DOCK9: variants seen among roughly 807,000 people sequenced by gnomAD.
DOCK9 encodes dedicator of cytokinesis protein 9.
In DOCK9, 89 loss-of-function variants were observed where a neutral mutation model predicts 263.3. The ratio of observed to expected loss-of-function variants is 0.34; its 90% confidence interval spans 0.28 to 0.40. DOCK9 has a LOEUF of 0.40. Ranked by LOEUF, DOCK9 falls within the 10% of genes least tolerant of loss-of-function variation. The pLI is 1.00. For missense variants in DOCK9, 2,140 were observed against 2,603.4 expected (o/e 0.82, Z 3.87); for synonymous variants, 976 against 973.1 (o/e 1.00, Z -0.06).
In DOCK9 at chr13:98,819,901, G is replaced by A. The variant is rs555034838; in HGVS notation, c.5130+4497C>T. On this transcript the variant is annotated intron_variant, in intron 45 of 52. Coordinates refer to ENST00000682017, the MANE Select transcript of DOCK9 (RefSeq NM_001366683.2). ...TGAATAGAAACAATTTTGACGAATAGAAGCCAGAGACTGGCCTAGTTAAGT... is the reference window on the plus strand; with the variant it reads ...TGAATAGAAACAATTTTGACGAATAAAAGCCAGAGACTGGCCTAGTTAAGT... 3.9e-5 allele frequency among the ~76,000 whole-genome samples: 6 copies of A among 152,336 alleles called. No individual in the cohort carries two copies. The South Asian group carries it at 1.2e-3, about 32-fold the overall frequency.
At chr13:98,833,111 C>G (rs1017132449) in intron 39 of DOCK9, 1 of 147,168 alleles carries the variant, frequency 6.8e-6, no homozygotes, top group Non-Finnish European at 1.5e-5. Context: ...GAAAGGGGAG[C>G]AATTTAATGA....
intron 44 of DOCK9, chr13:98,826,071 C>T: frequency 1.6e-6 from 1 of 626,992 alleles, no homozygotes; most frequent in Non-Finnish European, 2.5e-6. Flanking sequence ...TAGCCAGCTG[C>T]ACCAGAAATA....
At chr13:98,985,065 T>G (rs1567171985) in intron 1 of DOCK9, among the ~76,000 whole-genome samples, 1 of 11,254 alleles carries the variant, frequency 8.9e-5, no homozygotes, top group African/African-American at 4.4e-4. Context: ...AAGAAGACTA[T>G]GGGGGCAGGG....
At chr13:98,801,233 T>C (rs1460618623) in intron 49 of DOCK9, among the ~76,000 whole-genome samples, 1 of 152,198 alleles carries the variant, frequency 6.6e-6, no homozygotes, top group Non-Finnish European at 1.5e-5. Flanking sequence ...TGCAGTGAGC[T>C]GTGATTGTGC....
At chr13:98,820,478 A>G (rs147339823) in intron 45 of DOCK9, among the ~76,000 whole-genome samples, 240 of 152,336 alleles carry the variant, frequency 1.6e-3, no homozygotes, top group African/African-American at 5.5e-3. Context: ...ATTCAGGGCA[A>G]GTCCACAGTG....
chr13:99,054,958 A>G (rs140988749), intron 1 of DOCK9, among the ~76,000 whole-genome samples: 45 of 152,344 alleles, frequency 3.0e-4, no homozygotes, highest in African/African-American at 1.0e-3. Context: ...TCAGTCATCC[A>G]TTTCACAAAC....
At chr13:98,957,398 T>A (rs551471281) in intron 1 of DOCK9, among the ~76,000 whole-genome samples, 1 of 152,328 alleles carries the variant, frequency 6.6e-6, no homozygotes, top group African/African-American at 2.4e-5. Flanking sequence ...TACAAAGATG[T>A]TTTGACATGC....
intron 39 of DOCK9, among the ~76,000 whole-genome samples, chr13:98,833,553 T>A (rs2092854786): frequency 6.6e-6 from 1 of 152,214 alleles, no homozygotes; most frequent in Non-Finnish European, 1.5e-5. Context: ...TGGCCTTTAC[T>A]TCTCATTTTC....
chr13:98,930,122 G>A, intron 3 of DOCK9, 46 bp downstream of exon 3: 1 of 1,532,710 alleles, frequency 6.5e-7, no homozygotes, highest in East Asian at 2.3e-5. Context: ...AGGCAGTTAG[G>A]GGAAAATGAC....
upstream of DOCK9, among the ~76,000 whole-genome samples, chr13:98,980,870 T>C (rs987833605): frequency 1.1e-4 from 16 of 152,170 alleles, no homozygotes; most frequent in Admixed American, 1.0e-3. Flanking sequence ...GGCCTTCTTC[T>C]TGAAGTTTTT....
At chr13:99,080,448 A>T (rs1329461809) in intron 1 of DOCK9, among the ~76,000 whole-genome samples, 1 of 152,196 alleles carries the variant, frequency 6.6e-6, no homozygotes, top group Admixed American at 6.5e-5. Context: ...AAAAAGACAA[A>T]GGAAAAAAAA....
chr13:98,846,752 A>G (rs1476290653), intron 37 of DOCK9: 6 of 367,650 alleles, frequency 1.6e-5, no homozygotes, highest in African/African-American at 4.3e-5. Context: ...TGCATGGACT[A>G]TCATCGACTG....
chr13:99,012,659 T>G (rs1202345046), intron 1 of DOCK9, among the ~76,000 whole-genome samples: 5 of 152,114 alleles, frequency 3.3e-5, no homozygotes, highest in Admixed American at 2.6e-4. Flanking sequence ...GAAGTACCAA[T>G]GGGCAGGGCT....
chr13:98,881,213 A>G (rs576928770), intron 25 of DOCK9, among the ~76,000 whole-genome samples: 1 of 152,224 alleles, frequency 6.6e-6, no homozygotes, highest in East Asian at 1.9e-4. Flanking sequence ...GTTTTGCTGG[A>G]AAGTTTAGAT....
At chr13:98,925,772 A>G in intron 4 of DOCK9, 65 bp downstream of exon 4, 1 of 1,126,704 alleles carries the variant, frequency 8.9e-7, no homozygotes, top group Non-Finnish European at 1.3e-6. Context: ...ATGAAGTTAC[A>G]TACCTCCCCC....
At chr13:98,840,434 G>A (rs577361006) in intron 38 of DOCK9, among the ~76,000 whole-genome samples, 7 of 152,216 alleles carry the variant, frequency 4.6e-5, no homozygotes, top group Admixed American at 6.5e-5. Flanking sequence ...ACGGTCCTTC[G>A]GATTCACTGC....
rs1193215553 is a variant in DOCK9, at chr13:98,824,378, A to G, written c.5130+20T>C. The G allele has an allele frequency of 6.2e-7, 1 of 1,610,574 alleles. No homozygotes were observed. The highest frequency in any genetic ancestry group is 2.2e-5 in the East Asian group (1 of 44,856). The stretch of plus-strand genomic sequence containing the variant: ...CAGATACCCCAGTACCTGAAAGCCC[A>G]CATGAGTTCAAGCACGCACCTCGTT... On this transcript the variant is annotated intron_variant, in intron 45 of 52. Coordinates refer to ENST00000682017, the MANE Select transcript of DOCK9 (RefSeq NM_001366683.2).
rs1327611285 is a variant in DOCK9, at chr13:98,921,010, T to G, written c.661A>C (p.Ile221Leu). Residue 221 changes from isoleucine to leucine, a missense_variant, in exon 7 of 53, where the codon ATC becomes CTC. This residue lies in a region of DOCK9 where 1,521 missense variants were observed against 1,741.7 expected (regional missense o/e 0.87). Coordinates refer to ENST00000682017, the MANE Select transcript of DOCK9 (RefSeq NM_001366683.2). ...YNLNFYKDEK[I>L]SKEPKGSIFL... The stretch of plus-strand genomic sequence containing the variant: ...ATTGATCCTTTTGGTTCTTTGGAGA[T>G]CTTTTCATCTTTATAAAAATTCAAA... 4 of 1,604,662 alleles carry G rather than the reference T, an allele frequency of 2.5e-6. No individual in the cohort carries two copies. The highest frequency in any genetic ancestry group is 1.1e-5 in the South Asian group (1 of 89,284).
At chr13:98,923,217 A>C in intron 5 of DOCK9, 85 bp downstream of exon 5, 1 of 1,362,286 alleles carries the variant, frequency 7.3e-7, no homozygotes, top group Admixed American at 1.8e-5. Context: ...AAATGTCGGT[A>C]ATTTTCTAAC....
Sources: gnomAD v4.1 joint callset for allele counts (sites outside exome capture counted in the v4.1 genomes callset) on GRCh38, gnomAD v4.1.1 for gene constraint, gnomAD v4.1.1 regional missense constraint, MANE v1.5 for transcripts, NCBI Gene and HGNC (gene_info 2026-07-23, HGNC 2026-07-21) for gene names.